ZMIZ1: variants seen among roughly 807,000 people sequenced by gnomAD.
ZMIZ1 encodes zinc finger MIZ-type containing 1, also known as zinc finger MIZ domain-containing protein 1.
ZMIZ1 carries 17 observed loss-of-function variants against 113.9 expected under a neutral mutation model. The ratio of observed to expected loss-of-function variants is 0.15; its 90% confidence interval spans 0.10 to 0.22. The LOEUF (loss-of-function observed/expected upper bound fraction) is 0.22, where lower values mean the gene tolerates loss of function less well. ZMIZ1 is among the 10% of genes least tolerant of loss of function. The pLI, the probability that ZMIZ1 is intolerant of heterozygous loss-of-function variation, is 1.00. For synonymous variants in ZMIZ1, 607 were observed against 603.1 expected (o/e 1.01, Z -0.09); for missense variants, 1,059 against 1,477.8 (o/e 0.72, Z 4.65).
chr10:79,095,229 C>T (rs1407698023), intron 1 of ZMIZ1, among the ~76,000 whole-genome samples: 13 of 152,316 alleles, frequency 8.5e-5, no homozygotes, highest in African/African-American at 2.9e-4. Context: ...ACTTAGTGCT[C>T]AGCATAGGGC....
chr10:79,295,083 A>C (rs1022193654), intron 12 of ZMIZ1: 2 of 152,046 alleles, frequency 1.3e-5, no homozygotes, highest in Non-Finnish European at 2.9e-5. Flanking sequence ...GCCTCAAGCT[A>C]TTGGCACCTC....
At chr10:79,207,463 C>A (rs942796) in intron 5 of ZMIZ1, among the ~76,000 whole-genome samples, 24 of 152,136 alleles carry the variant, frequency 1.6e-4, no homozygotes, top group African/African-American at 5.5e-4. Context: ...CCTGAGGAGA[C>A]GGATAAGAGT....
At chr10:79,288,240 G>T (rs896432530) in intron 8 of ZMIZ1, among the ~76,000 whole-genome samples, 2 of 152,204 alleles carry the variant, frequency 1.3e-5, no homozygotes, top group African/African-American at 4.8e-5. Flanking sequence ...GATCTCCGCT[G>T]CCTGCGGGTC....
chr10:79,092,568 C>T (rs1843017175), intron 1 of ZMIZ1, among the ~76,000 whole-genome samples: 1 of 152,264 alleles, frequency 6.6e-6, no homozygotes, highest in Non-Finnish European at 1.5e-5. Context: ...GTCACAGTAG[C>T]ATCGCAACAC....
At chr10:79,283,950 C>T (rs1892497) in intron 8 of ZMIZ1, among the ~76,000 whole-genome samples, 34,961 of 152,206 alleles carry the variant, frequency 0.23, 4,953 homozygotes, top group East Asian at 0.36. Flanking sequence ...TGCACGGAGA[C>T]GGGACCAGTA....
chr10:79,198,600 G>A (rs750592821), intron 4 of ZMIZ1, among the ~76,000 whole-genome samples: 2 of 152,140 alleles, frequency 1.3e-5, no homozygotes, highest in Non-Finnish European at 2.9e-5. Flanking sequence ...CCTTCTTGCT[G>A]TAGAGCTCCA....
chr10:79,269,456 A>AACACACACACACACACACACACACAC (rs55634343), intron 7 of ZMIZ1, among the ~76,000 whole-genome samples: 38 of 138,568 alleles, frequency 2.7e-4, no homozygotes, highest in African/African-American at 6.9e-4. Flanking sequence ...ACCTCCCCCC[A>AACACACACACACACACACACACACAC]ACACACACAC....
At chr10:79,175,475 C>T (rs1429949456) in intron 4 of ZMIZ1, among the ~76,000 whole-genome samples, 2 of 150,066 alleles carry the variant, frequency 1.3e-5, no homozygotes, top group Non-Finnish European at 3.0e-5. Flanking sequence ...TTGTACCACC[C>T]CAGAGGGCAC....
intron 3 of ZMIZ1, among the ~76,000 whole-genome samples, chr10:79,158,528 C>G (rs1480873306): frequency 6.6e-6 from 1 of 152,220 alleles, no homozygotes; most frequent in Non-Finnish European, 1.5e-5. Context: ...GTGTGGACTC[C>G]CAAGCCTTAG....
chr10:79,290,886 C>G, intron 9 of ZMIZ1, 73 bp from the exon 10 acceptor site: 1 of 1,560,224 alleles, frequency 6.4e-7, no homozygotes, highest in African/African-American at 1.4e-5. Flanking sequence ...CCTTTCCCCT[C>G]TTCATTTATC....
chr10:79,270,583 G>C (rs1851888004), intron 7 of ZMIZ1, among the ~76,000 whole-genome samples: 1 of 152,206 alleles, frequency 6.6e-6, no homozygotes, highest in Non-Finnish European at 1.5e-5. Flanking sequence ...TTGCTTGTCA[G>C]TGATCTTGGT....
chr10:79,313,825 T>C lies in ZMIZ1; in HGVS notation c.*1076T>C. 1 of 356,708 alleles carries C rather than the reference T, an allele frequency of 2.8e-6. No homozygotes were observed. The highest frequency in any genetic ancestry group is 5.6e-6 in the Non-Finnish European group (1 of 179,996). 22.1% of individuals were successfully genotyped at this position (356,708 alleles called of 1,614,324 possible). On this transcript the variant is annotated 3_prime_UTR_variant, in exon 25 of 25. Transcript: ENST00000334512. Reference sequence around the variant, plus strand: ...TCCGTGGGACACCCACTTCCCTCTGTCCTAGTTCTCTTTGTCCAATCAGAT... The same window carrying C: ...TCCGTGGGACACCCACTTCCCTCTGCCCTAGTTCTCTTTGTCCAATCAGAT...
chr10:79,146,378 A>G (rs1845485137), intron 3 of ZMIZ1, among the ~76,000 whole-genome samples: 3 of 152,144 alleles, frequency 2.0e-5, no homozygotes, highest in African/African-American at 4.8e-5. Context: ...GCAACAGACC[A>G]AAGGCAGAGC....
At chr10:79,297,503 G>A in intron 13 of ZMIZ1, 110 bp from the exon 14 acceptor site, 2 of 891,778 alleles carry the variant, frequency 2.2e-6, no homozygotes, top group South Asian at 1.4e-5. Flanking sequence ...GCAGTGGATG[G>A]GCCCCTGTAG....
At chr10:79,160,224 AG>A (rs1017399369) in intron 3 of ZMIZ1, among the ~76,000 whole-genome samples, 14 of 152,342 alleles carry the variant, frequency 9.2e-5, no homozygotes, top group South Asian at 2.1e-4. Flanking sequence ...TATTGGGGTC[AG>A]TGAACCCCAA....
intron 7 of ZMIZ1, among the ~76,000 whole-genome samples, chr10:79,268,831 T>G (rs912278118): frequency 3.3e-5 from 5 of 152,186 alleles, no homozygotes; most frequent in African/African-American, 1.2e-4. Flanking sequence ...GAGGGCAGGT[T>G]GGCAGGAGGC....
chr10:79,212,741 G>A (rs941037221), intron 6 of ZMIZ1, among the ~76,000 whole-genome samples: 4 of 149,976 alleles, frequency 2.7e-5, no homozygotes, highest in Non-Finnish European at 5.9e-5. Context: ...GGGCAACAGA[G>A]CGGGACTCTG....
intron 4 of ZMIZ1, among the ~76,000 whole-genome samples, chr10:79,180,847 G>A (rs1013410178): frequency 2.6e-5 from 4 of 152,244 alleles, no homozygotes; most frequent in African/African-American, 4.8e-5. Flanking sequence ...CCCAGCTCAA[G>A]CCCGGTCTTC....
At chr10:79,177,381 G>T (rs1200603997) in intron 4 of ZMIZ1, among the ~76,000 whole-genome samples, 1 of 152,220 alleles carries the variant, frequency 6.6e-6, no homozygotes, top group Non-Finnish European at 1.5e-5. Context: ...CTGCCCCTCT[G>T]CCCCAGACAG....
Sources: gnomAD v4.1 joint callset for allele counts (sites outside exome capture counted in the v4.1 genomes callset) on GRCh38, gnomAD v4.1.1 for gene constraint, MANE v1.5 for transcripts, NCBI Gene and HGNC (gene_info 2026-07-23, HGNC 2026-07-21) for gene names.